Variants in MYO18B observed in about 807,000 individuals in gnomAD.
MYO18B encodes myosin XVIIIB, also known as unconventional myosin-XVIIIb.
MYO18B carries 204 observed loss-of-function variants against 273.0 expected under a neutral mutation model. The ratio of observed to expected loss-of-function variants is 0.75; its 90% CI spans 0.67 to 0.84. The LOEUF (loss-of-function observed/expected upper bound fraction) is 0.84, where lower values mean the gene tolerates loss of function less well. Ranked by LOEUF, MYO18B falls within the 40% of genes least tolerant of loss-of-function variation. The pLI, the probability that MYO18B is intolerant of heterozygous loss-of-function variation, is 0.00. For missense variants in MYO18B, 3,212 were observed against 3,287.6 expected (o/e 0.98, Z 0.56); for synonymous variants, 1,330 against 1,305.7 (o/e 1.02, Z -0.40).
intron 10 of MYO18B, 58 bp from the exon 11 acceptor site, chr22:25,785,370 C>T: frequency 6.5e-7 from 1 of 1,534,446 alleles, no homozygotes; most frequent in South Asian, 1.2e-5. Context: ...CGACCACCTG[C>T]CCTGCCAGGG....
At chr22:25,772,562 T>TGG in intron 7 of MYO18B, 52 bp downstream of exon 7, 1 of 1,538,538 alleles carries the variant, frequency 6.5e-7, no homozygotes, top group Non-Finnish European at 8.8e-7. Flanking sequence ...CAGGGGGGCC[T>TGG]GGGGGGATCC....
At chr22:25,971,794 CTTG>C (rs946621093) in intron 39 of MYO18B, among the ~76,000 whole-genome samples, 4 of 152,294 alleles carry the variant, frequency 2.6e-5, no homozygotes, top group East Asian at 1.9e-4. Context: ...ACATTAAAGA[CTTG>C]TTGTCTGTAA....
At chr22:25,748,044 C>T (rs908192557) in intron 1 of MYO18B, among the ~76,000 whole-genome samples, 8 of 152,124 alleles carry the variant, frequency 5.3e-5, no homozygotes, top group Non-Finnish European at 8.8e-5. Flanking sequence ...TCCACTTCTG[C>T]GGCAGAAGGC....
At chr22:25,795,078 T>G (rs540795359) in intron 11 of MYO18B, among the ~76,000 whole-genome samples, 10 of 152,240 alleles carry the variant, frequency 6.6e-5, no homozygotes, top group South Asian at 2.1e-4. Flanking sequence ...TGTGGCTGCG[T>G]GTCTCAGTGG....
chr22:26,026,672 C>T lies in MYO18B; in HGVS notation c.6698C>T (p.Thr2233Ile), dbSNP rs1467070316. 2 of 1,613,782 alleles carry T rather than the reference C, an allele frequency of 1.2e-6. No individual in the cohort carries two copies. Among genetic ancestry groups the T allele is most frequent in the Non-Finnish European group, 1.7e-6 (2 of 1,179,894 alleles). ...TCCTCTCCCCTGGCTTCTCGGAGTACAAATACATCCCCGCTGTCGAGGGAA... is the reference window on the plus strand; with the variant it reads ...TCCTCTCCCCTGGCTTCTCGGAGTATAAATACATCCCCGCTGTCGAGGGAA... ...PASSPLASRS[T>I]NTSPLSREKL... is the part of the protein sequence containing the mutation. The change falls in exon 43 of 44, where the codon ACA becomes ATA. Residue 2233 changes from threonine (T) to isoleucine (I), a missense_variant. Transcript: ENST00000335473.
intron 28 of MYO18B, chr22:25,895,652 T>G (rs895765342): frequency 5.8e-6 from 1 of 173,096 alleles, no homozygotes; most frequent in Non-Finnish European, 1.2e-5. Flanking sequence ...GTTGCCTCTG[T>G]TCTAATCTGC....
At chr22:25,819,431 A>C (rs564094472) in intron 12 of MYO18B, among the ~76,000 whole-genome samples, 9 of 152,222 alleles carry the variant, frequency 5.9e-5, no homozygotes, top group Non-Finnish European at 5.9e-5. Context: ...CTAGAAAGAC[A>C]TCTCCTATTT....
intron 17 of MYO18B, among the ~76,000 whole-genome samples, chr22:25,836,962 CA>C (rs1167721882): frequency 8.6e-6 from 1 of 116,728 alleles, no homozygotes; most frequent in Non-Finnish European, 1.8e-5. Context: ...AATTCCATCT[CA>C]AAATAATAAT....
At chr22:26,061,642 T>C in the MYO18B span, among the ~76,000 whole-genome samples, 2 of 151,272 alleles carry the variant, frequency 1.3e-5, no homozygotes, top group Non-Finnish European at 2.9e-5. Flanking sequence ...AGAAACGTCA[T>C]CTACCACCAA....
At chr22:25,895,076 A>G in intron 27 of MYO18B, 80 bp from the exon 28 acceptor site, 1 of 1,516,144 alleles carries the variant, frequency 6.6e-7, no homozygotes, top group African/African-American at 1.4e-5. Context: ...AAGAGCCAAG[A>G]AAGTGGAGGA....
chr22:25,951,919 C>G (rs1271800729), intron 37 of MYO18B, among the ~76,000 whole-genome samples: 3 of 152,232 alleles, frequency 2.0e-5, no homozygotes, highest in Non-Finnish European at 4.4e-5. Flanking sequence ...CCCAAACCCA[C>G]ACTTGCTTGT....
At chr22:25,760,434 A>AAACC (rs59165419) in intron 1 of MYO18B, among the ~76,000 whole-genome samples, 4 of 111,530 alleles carry the variant, frequency 3.6e-5, no homozygotes, top group East Asian at 3.3e-4. Context: ...AAAAAAAAAA[A>AAACC]CACAAAAACA....
intron 27 of MYO18B, chr22:25,892,537 A>G (rs1243976393): frequency 6.6e-6 from 1 of 152,194 alleles, no homozygotes; most frequent in Non-Finnish European, 1.5e-5. Context: ...TTGGGTGAGA[A>G]GGATATCCAG....
chr22:25,865,725 T>C (rs773898498), intron 21 of MYO18B, among the ~76,000 whole-genome samples: 23 of 152,204 alleles, frequency 1.5e-4, no homozygotes, highest in Non-Finnish European at 2.5e-4. Flanking sequence ...GATCTAACTC[T>C]GGATCATGAT....
chr22:25,927,139 G>C lies in MYO18B; in HGVS notation c.5517+5730G>C, dbSNP rs1173037604. ...TACAGCATGTGTGCTTGAGCAATAT[G>C]AAATGTGGGCACCTTGAAAAAAGAA... is the stretch of plus-strand genomic sequence containing the variant. On this transcript the variant is annotated intron_variant, in intron 34 of 43. Coordinates refer to ENST00000335473, the MANE Select transcript of MYO18B (RefSeq NM_032608.7). 2.6e-5 allele frequency among the ~76,000 whole-genome samples: 4 copies of C among 152,166 alleles called. No individual in the cohort carries two copies. The East Asian group carries it at 7.7e-4, about 29-fold the overall frequency.
At chr22:25,805,613 C>G (rs1025483171) in intron 12 of MYO18B, among the ~76,000 whole-genome samples, 1 of 152,322 alleles carries the variant, frequency 6.6e-6, no homozygotes, top group South Asian at 2.1e-4. Context: ...CCGCAGCCAG[C>G]AGGAACTCCC....
intron 39 of MYO18B, among the ~76,000 whole-genome samples, chr22:25,991,663 C>T (rs1264019632): frequency 1.3e-5 from 2 of 152,194 alleles, no homozygotes. Flanking sequence ...CCAGCTCCGC[C>T]ATGAAGTCTT....
At chr22:25,780,274 A>T in intron 9 of MYO18B, 76 bp downstream of exon 9, 1 of 1,487,472 alleles carries the variant, frequency 6.7e-7, no homozygotes, top group East Asian at 2.4e-5. Flanking sequence ...AGCAGAGCCC[A>T]CGCCTCCAGC....
At chr22:25,785,533 CTG>C (rs1413253460) in intron 11 of MYO18B, 42 bp downstream of exon 11, 3 of 1,591,090 alleles carry the variant, frequency 1.9e-6, no homozygotes, top group African/African-American at 1.3e-5. Flanking sequence ...GAGTCTGTGT[CTG>C]GGGCTAGATG....
Sources: allele counts gnomAD v4.1 joint callset (sites outside exome capture counted in the v4.1 genomes callset), GRCh38; gene constraint gnomAD v4.1.1; transcripts MANE v1.5; gene names NCBI Gene and HGNC (gene_info 2026-07-23, HGNC 2026-07-21).